ZFHX3: variants seen among roughly 807,000 people sequenced by gnomAD.
The protein encoded by ZFHX3 is zinc finger homeobox 3.
ZFHX3 carries 42 observed loss-of-function variants against 279.1 expected under a neutral mutation model. The observed-to-expected ratio is 0.15, with a 90% CI of 0.12 to 0.19. The LOEUF is 0.19. Among genes scored for constraint, ZFHX3 ranks in the 10% least tolerant of loss-of-function variants. ZFHX3 has a pLI of 1.00. For synonymous variants in ZFHX3, 2,293 were observed against 1,957.8 expected, an observed-to-expected ratio of 1.17 and a Z score of -4.52; for missense variants, 4,981 against 4,754.0, an observed-to-expected ratio of 1.05 and a Z score of -1.40.
chr16:73,516,283 C>T (rs1439535787), intron 2 of ZFHX3, among the ~76,000 whole-genome samples: 1 of 152,178 alleles, frequency 6.6e-6, no homozygotes, highest in Non-Finnish European at 1.5e-5. Context: ...GGCTTACATC[C>T]TACCGTGGCT....
intron 2 of ZFHX3, among the ~76,000 whole-genome samples, chr16:73,677,614 T>C (rs2052967971): frequency 6.6e-6 from 1 of 151,944 alleles, no homozygotes; most frequent in African/African-American, 2.4e-5. Flanking sequence ...TCTAGAATTA[T>C]TTTAACTATA....
chr16:73,345,756 C>G (rs2016112243), intron 3 of ZFHX3, among the ~76,000 whole-genome samples: 1 of 151,974 alleles, frequency 6.6e-6, no homozygotes, highest in African/African-American at 2.4e-5. Context: ...GTATATACAC[C>G]CAGTAATGGG....
intron 4 of ZFHX3, among the ~76,000 whole-genome samples, chr16:72,860,582 C>G (rs1011491474): frequency 3.9e-5 from 6 of 152,178 alleles, no homozygotes; most frequent in Non-Finnish European, 8.8e-5. Flanking sequence ...AGGCATGCAC[C>G]ACCACGCCTG....
intron 1 of ZFHX3, among the ~76,000 whole-genome samples, chr16:73,815,163 T>C (rs1229042396): frequency 6.6e-6 from 1 of 152,248 alleles, no homozygotes; most frequent in African/African-American, 2.4e-5. Context: ...ATGCCAATTA[T>C]AATAGCATCT....
At chr16:73,301,724 C>T (rs2015059682) in intron 4 of ZFHX3, among the ~76,000 whole-genome samples, 1 of 150,146 alleles carries the variant, frequency 6.7e-6, no homozygotes, top group Admixed American at 6.6e-5. Flanking sequence ...TCTTTCACCT[C>T]ATGATTATAT....
At chr16:73,350,505 G>A (rs1021405131) in intron 3 of ZFHX3, among the ~76,000 whole-genome samples, 9 of 152,158 alleles carry the variant, frequency 5.9e-5, no homozygotes, top group African/African-American at 2.2e-4. Context: ...GTGGTACTTG[G>A]GATTCCCTGG....
At chr16:73,525,518 G>A (rs2019676200) in intron 2 of ZFHX3, among the ~76,000 whole-genome samples, 2 of 152,122 alleles carry the variant, frequency 1.3e-5, no homozygotes, top group African/African-American at 2.4e-5. Context: ...AAGAGAAGGG[G>A]TGCACAAACT....
In ZFHX3 at chr16:73,581,341, A is replaced by G. The variant is rs561714773; in HGVS notation, c.-1547+98839T>C. 1.2e-3 allele frequency among the ~76,000 whole-genome samples: 175 copies of G among 152,026 alleles called. 1 individual carries two copies. Among genetic ancestry groups the G allele is most frequent in the Non-Finnish European group, 2.0e-3 (133 of 68,030 alleles). ...CTTCCAAAGTCCTATCTACATTAAAATTTCAACTATAGCAGTTGTAAACAA... is the reference window on the plus strand; with the variant it reads ...CTTCCAAAGTCCTATCTACATTAAAGTTTCAACTATAGCAGTTGTAAACAA... On this transcript the variant is annotated intron_variant, in intron 2 of 17. Transcript: ENST00000641206.
At chr16:73,433,433 G>A (rs1760052063) in intron 3 of ZFHX3, among the ~76,000 whole-genome samples, 1 of 152,106 alleles carries the variant, frequency 6.6e-6, no homozygotes, top group Non-Finnish European at 1.5e-5. Flanking sequence ...AACATGCACA[G>A]CACCCCCTCC....
At chr16:73,295,358 G>A (rs1199421359) in intron 4 of ZFHX3, among the ~76,000 whole-genome samples, 1 of 152,230 alleles carries the variant, frequency 6.6e-6, no homozygotes, top group Non-Finnish European at 1.5e-5. Flanking sequence ...ACTGTTTAGT[G>A]TTAGAAAACG....
chr16:73,785,610 T>G (rs1283704689), intron 1 of ZFHX3, among the ~76,000 whole-genome samples: 1 of 152,152 alleles, frequency 6.6e-6, no homozygotes, highest in Non-Finnish European at 1.5e-5. Context: ...TCCATCTTTA[T>G]CGGTATAAAG....
intron 3 of ZFHX3, among the ~76,000 whole-genome samples, chr16:72,892,180 CTAAG>C (rs1458645955): frequency 6.6e-6 from 1 of 152,198 alleles, no homozygotes. Flanking sequence ...AATGCACCAA[CTAAG>C]TGTCACAGAA....
chr16:73,151,879 CA>C (rs58576284), intron 5 of ZFHX3, among the ~76,000 whole-genome samples: 20,035 of 120,454 alleles, frequency 0.17, 1,804 homozygotes, highest in African/African-American at 0.28. Context: ...ATGCAAAAAA[CA>C]AAAAAAAAAA....
chr16:72,955,221 T>C (rs1482560005), intron 2 of ZFHX3, among the ~76,000 whole-genome samples: 5 of 152,156 alleles, frequency 3.3e-5, no homozygotes. Context: ...GGCCGACAAG[T>C]AGTGACACTG....
intron 2 of ZFHX3, among the ~76,000 whole-genome samples, chr16:73,523,070 G>A (rs982639089): frequency 6.6e-6 from 1 of 152,152 alleles, no homozygotes; most frequent in Non-Finnish European, 1.5e-5. Context: ...TAAGATTTGG[G>A]TAGGGACACA....
intron 5 of ZFHX3, among the ~76,000 whole-genome samples, chr16:73,162,265 A>G (rs1967256336): frequency 2.0e-5 from 3 of 152,168 alleles, no homozygotes; most frequent in African/African-American, 7.2e-5. Context: ...GTGGTATTGG[A>G]TTGTTATAGC....
intron 3 of ZFHX3, among the ~76,000 whole-genome samples, chr16:73,328,764 G>A (rs998828615): frequency 1.2e-4 from 19 of 152,222 alleles, no homozygotes; most frequent in African/African-American, 4.3e-4. Flanking sequence ...GGTGATTGCT[G>A]CAATATCTAT....
At chr16:72,975,607 T>C (rs766144250) in intron 1 of ZFHX3, among the ~76,000 whole-genome samples, 2 of 152,220 alleles carry the variant, frequency 1.3e-5, no homozygotes, top group Admixed American at 6.5e-5. Context: ...GAAATCCATA[T>C]TGAGACATAC....
intron 4 of ZFHX3, among the ~76,000 whole-genome samples, chr16:73,261,985 T>TTTATGAC (rs1453364021): frequency 3.3e-5 from 5 of 152,168 alleles, no homozygotes; most frequent in Admixed American, 2.6e-4. Context: ...CTGTGATTCT[T>TTTATGAC]TTATGACTTA....
Sources: gnomAD v4.1 joint callset for allele counts (sites outside exome capture counted in the v4.1 genomes callset) on GRCh38, gnomAD v4.1.1 for gene constraint, MANE v1.5 for transcripts, NCBI Gene and HGNC (gene_info 2026-07-23, HGNC 2026-07-21) for gene names.